The following CLPB variants were observed in gnomAD, a reference collection of about 807,000 sequenced individuals.
CLPB encodes the protein ClpB family mitochondrial disaggregase, also known as mitochondrial disaggregase.
A neutral mutation model predicts 78.4 loss-of-function variants in CLPB; 40 were observed. The ratio of observed to expected loss-of-function variants is 0.51; its 90% CI spans 0.40 to 0.66. The LOEUF (loss-of-function observed/expected upper bound fraction) is 0.66. Among genes scored for constraint, CLPB ranks in the 30% least tolerant of loss-of-function variants. The pLI, the probability that CLPB is intolerant of heterozygous loss-of-function variation, is 0.00. For synonymous variants in CLPB, 333 were observed against 348.0 expected, an observed-to-expected ratio of 0.96 and a Z score of 0.48; for missense variants, 780 against 886.9, an observed-to-expected ratio of 0.88 and a Z score of 1.53.
intron 5 of CLPB, chr11:72,354,349 T>G (rs909682508): frequency 5.0e-6 from 2 of 398,230 alleles, no homozygotes; most frequent in Admixed American, 4.4e-5. Flanking sequence ...CTGTGTACGA[T>G]GGATGCCTTG....
At chr11:72,316,429 CCAGAG>C (rs1949943158) in intron 7 of CLPB, among the ~76,000 whole-genome samples, 1 of 152,162 alleles carries the variant, frequency 6.6e-6, no homozygotes, top group Non-Finnish European at 1.5e-5. Context: ...GAGTGGTGCT[CCAGAG>C]TCGGAGAACA....
intron 2 of CLPB, chr11:72,408,324 C>T (rs559802631): frequency 1.5e-4 from 113 of 754,162 alleles, no homozygotes; most frequent in Admixed American, 6.0e-4. Flanking sequence ...GCAAGGTGGT[C>T]GTAAGGATTA....
At chr11:72,411,655 G>A (rs751972502) in intron 2 of CLPB, 3 of 152,092 alleles carry the variant, frequency 2.0e-5, no homozygotes, top group Non-Finnish European at 4.4e-5. Flanking sequence ...GTCCCAGAAA[G>A]GGACACAGGG....
chr11:72,425,265 G>A (rs898427467), intron 2 of CLPB, among the ~76,000 whole-genome samples: 2 of 152,170 alleles, frequency 1.3e-5, no homozygotes, highest in African/African-American at 4.8e-5. Flanking sequence ...TAGTTAGACT[G>A]TGCCAAGAGG....
intron 2 of CLPB, among the ~76,000 whole-genome samples, chr11:72,425,827 TCC>T (rs1208613471): frequency 7.2e-5 from 11 of 152,134 alleles, no homozygotes. Context: ...ATTTACAAAG[TCC>T]AACTGATATT....
chr11:72,343,048 T>C (rs1431049113), intron 5 of CLPB, among the ~76,000 whole-genome samples: 3 of 152,216 alleles, frequency 2.0e-5, no homozygotes, highest in Non-Finnish European at 4.4e-5. Context: ...AATCCTAGCC[T>C]AATGTGCAGG....
At chr11:72,310,924 C>T (rs182020528) in intron 7 of CLPB, 14 of 152,230 alleles carry the variant, frequency 9.2e-5, no homozygotes, top group African/African-American at 3.4e-4. Flanking sequence ...CTGTTCCCCG[C>T]TTCTTTTCTA....
intron 2 of CLPB, chr11:72,408,352 G>A (rs527427621): frequency 4.6e-6 from 3 of 652,874 alleles, no homozygotes; most frequent in African/African-American, 3.6e-5. Context: ...ATTTCGTAAG[G>A]AGTGGTGGCA....
At chr11:72,432,710 G>A (rs1590944572) in intron 1 of CLPB, among the ~76,000 whole-genome samples, 2 of 152,290 alleles carry the variant, frequency 1.3e-5, no homozygotes, top group Admixed American at 1.3e-4. Flanking sequence ...TTGTAGATGA[G>A]GAAACAGAGG....
chr11:72,328,027 C>T (rs897513419), intron 6 of CLPB, among the ~76,000 whole-genome samples: 3 of 152,314 alleles, frequency 2.0e-5, no homozygotes, highest in Admixed American at 2.0e-4. Flanking sequence ...TTCCAGCTCT[C>T]CCATTCTAGG....
At chr11:72,432,783 A>G (rs1358590878) in intron 1 of CLPB, among the ~76,000 whole-genome samples, 4 of 152,136 alleles carry the variant, frequency 2.6e-5, no homozygotes, top group Non-Finnish European at 5.9e-5. Flanking sequence ...CCAAAACAAG[A>G]TCCCCAGTGT....
At chr11:72,391,389 G>A (rs1375269261) in intron 3 of CLPB, among the ~76,000 whole-genome samples, 1 of 152,106 alleles carries the variant, frequency 6.6e-6, no homozygotes, top group Non-Finnish European at 1.5e-5. Context: ...CACTCCCATG[G>A]TAGGTGACCC....
At chr11:72,383,964 C>G (rs1854998308) in intron 3 of CLPB, among the ~76,000 whole-genome samples, 1 of 151,960 alleles carries the variant, frequency 6.6e-6, no homozygotes. Context: ...ATGCTGAAAC[C>G]CCATCTCTAC....
In CLPB at chr11:72,295,538, C is replaced by T. The variant is rs1447516811; in HGVS notation, c.1440G>A (p.Arg480=). 2 of 1,614,210 alleles carry T rather than the reference C, an allele frequency of 1.2e-6. No homozygotes were observed. The highest frequency in any genetic ancestry group is 2.2e-5 in the East Asian group (1 of 44,884). Residue 480 remains arginine (R), a synonymous_variant, in exon 12 of 16, where the codon AGG becomes AGA. Coordinates refer to ENST00000538039, the MANE Select transcript of CLPB (RefSeq NM_001258392.3). ...DEIAQHALQL[R]QEALEMSRNR... ...TACGGCTCATCTCCAAAGCTTCCTG[C>T]CTCAGCTGCAGCGCGTGCTGTGCGA...
At chr11:72,400,432 C>CA (rs1190686737) in intron 3 of CLPB, among the ~76,000 whole-genome samples, 1 of 152,206 alleles carries the variant, frequency 6.6e-6, no homozygotes, top group Non-Finnish European at 1.5e-5. Flanking sequence ...AAAGACAGAG[C>CA]AATCAGTTAA....
At position 72,285,949 on chromosome 11, in the gene CLPB, A is replaced by G. The variant is rs1186496213; in HGVS notation, c.*7418T>C. On this transcript the variant is annotated 3_prime_UTR_variant, in exon 16 of 16. Coordinates refer to ENST00000538039, the MANE Select transcript of CLPB (RefSeq NM_001258392.3). ...TTATCCATGCTAATAGGCTTCTACT[A>G]TAGCCTTTTTTTTTTTTTTGGAGAT... is the stretch of plus-strand genomic sequence containing the variant. The G allele has an allele frequency of 1.4e-5, 2 of 147,092 alleles. No individual in the cohort carries two copies. The highest frequency in any genetic ancestry group is 2.5e-5 in the African/African-American group (1 of 39,670). 9.1% of individuals were successfully genotyped at this position (147,092 alleles called of 1,614,324 possible).
intron 2 of CLPB, among the ~76,000 whole-genome samples, chr11:72,416,154 T>A (rs1157136284): frequency 6.6e-6 from 1 of 152,300 alleles, no homozygotes; most frequent in African/African-American, 2.4e-5. Context: ...TCAGAGCTCA[T>A]CAGAAGATAA....
At chr11:72,316,601 A>T (rs1334993066) in intron 7 of CLPB, among the ~76,000 whole-genome samples, 1 of 152,230 alleles carries the variant, frequency 6.6e-6, no homozygotes, top group Non-Finnish European at 1.5e-5. Context: ...GGTGGAGAAG[A>T]CACTCAAAAG....
intron 2 of CLPB, among the ~76,000 whole-genome samples, chr11:72,409,308 G>A (rs535390595): frequency 1.4e-4 from 22 of 152,296 alleles, no homozygotes; most frequent in African/African-American, 5.3e-4. Flanking sequence ...TTGAAGCCAC[G>A]CATGGTGGCT....
Sources: allele counts gnomAD v4.1 joint callset (sites outside exome capture counted in the v4.1 genomes callset), GRCh38; gene constraint gnomAD v4.1.1; transcripts MANE v1.5; gene names NCBI Gene and HGNC (gene_info 2026-07-23, HGNC 2026-07-21).